The following LOXL2 variants were observed in gnomAD, a reference collection of about 807,000 sequenced individuals.
The protein encoded by LOXL2 is lysyl oxidase like 2, also known as lysyl oxidase homolog 2.
LOXL2 carries 70 observed loss-of-function variants against 93.0 expected under a neutral mutation model. The ratio of observed to expected loss-of-function variants is 0.75; its 90% CI spans 0.62 to 0.92. The LOEUF is 0.92. Ranked by LOEUF, LOXL2 falls within the 40% of genes least tolerant of loss-of-function variation. The pLI, the probability that LOXL2 is intolerant of heterozygous loss-of-function variation, is 0.00. For missense variants in LOXL2, 973 were observed against 1,054.9 expected, an observed-to-expected ratio of 0.92 and a Z score of 1.08; for synonymous variants, 438 against 413.2, an observed-to-expected ratio of 1.06 and a Z score of -0.73.
chr8:23,388,043 A>G (rs1423578090), intron 1 of LOXL2, among the ~76,000 whole-genome samples: 3 of 152,234 alleles, frequency 2.0e-5, no homozygotes, highest in Non-Finnish European at 4.4e-5. Flanking sequence ...TTAAGTTCCT[A>G]GACCATAGCA....
intron 5 of LOXL2, among the ~76,000 whole-genome samples, chr8:23,329,488 T>C (rs1367964361): frequency 2.6e-5 from 4 of 152,204 alleles, no homozygotes; most frequent in Non-Finnish European, 2.9e-5. Flanking sequence ...CTGGGTCATT[T>C]GACTCCAGCT....
intron 1 of LOXL2, among the ~76,000 whole-genome samples, chr8:23,383,861 C>T (rs576349396): frequency 5.3e-5 from 8 of 151,838 alleles, no homozygotes; most frequent in East Asian, 1.9e-4. Context: ...GGGGTTTCAC[C>T]GTGTTAGCCA....
In LOXL2 at chr8:23,331,972, G is replaced by T. The variant is rs1487083127; in HGVS notation, c.966+1429C>A. 2.1e-5 allele frequency: 3 copies of T among 143,256 alleles called. No individual in the cohort carries two copies. The East Asian group carries it at 6.2e-4, about 30-fold the overall frequency. The allele number at this position is 143,256 out of a possible 1,614,324, so 8.9% of individuals were successfully genotyped here. On this transcript the variant is annotated intron_variant, in intron 5 of 13. Transcript: ENST00000389131. ...AATCGCGTGAACCCAGGAGCCGGAG[G>T]TTGCAGTGAACCAAGATCATGCCAT...
chr8:23,308,946 A>AT (rs1483177606), intron 10 of LOXL2, among the ~76,000 whole-genome samples: 1 of 151,430 alleles, frequency 6.6e-6, no homozygotes. Flanking sequence ...TCCTAGAGGT[A>AT]TTTAAAATAC....
intron 3 of LOXL2, among the ~76,000 whole-genome samples, chr8:23,345,371 C>A (rs534364485): frequency 6.6e-6 from 1 of 152,204 alleles, no homozygotes; most frequent in Non-Finnish European, 1.5e-5. Flanking sequence ...CCCCTTCAAC[C>A]AGCTGAAGGG....
At chr8:23,356,385 T>C (rs1798418910) in intron 3 of LOXL2, among the ~76,000 whole-genome samples, 1 of 152,252 alleles carries the variant, frequency 6.6e-6, no homozygotes, top group Admixed American at 6.5e-5. Flanking sequence ...TGACTTCAGC[T>C]ACTGATACAG....
Position 23,298,041 on chromosome 8 carries a change from C to T in LOXL2, c.*2G>A, listed in dbSNP as rs750619677. Reference sequence around the variant, plus strand: ...AGACAGGAGTTGACCACGCAGGCTTCTTTACTGCGGGGACAGCTGGTTGTT... The same window carrying T: ...AGACAGGAGTTGACCACGCAGGCTTTTTTACTGCGGGGACAGCTGGTTGTT... On this transcript the variant is annotated 3_prime_UTR_variant, in exon 14 of 14. Coordinates refer to ENST00000389131, the MANE Select transcript of LOXL2 (RefSeq NM_002318.3). The T allele has an allele frequency of 6.2e-7, 1 of 1,613,354 alleles. No homozygotes were observed. The highest frequency in any genetic ancestry group is 8.5e-7 in the Non-Finnish European group (1 of 1,179,654).
chr8:23,366,640 G>A (rs7004710), intron 2 of LOXL2, among the ~76,000 whole-genome samples: 31,322 of 152,178 alleles, frequency 0.21, 3,643 homozygotes, highest in Admixed American at 0.27. Flanking sequence ...CGATTCTTAC[G>A]CAGTCAGCAT....
intron 13 of LOXL2, among the ~76,000 whole-genome samples, chr8:23,298,601 G>T (rs1803077207): frequency 6.6e-6 from 1 of 152,208 alleles, no homozygotes; most frequent in Non-Finnish European, 1.5e-5. Context: ...AAAGCCTTGG[G>T]GTCTGCACTG....
rs770709778 is a variant in LOXL2 at position 23,347,645 on chromosome 8, G to A, written c.532-6442C>T. ...AGCCTGGGCGAAAGACTGAGACTCC[G>A]TTTCAAAAAAATATAAATAAATAAA... On this transcript the variant is annotated intron_variant, in intron 3 of 13. Coordinates refer to ENST00000389131, the MANE Select transcript of LOXL2 (RefSeq NM_002318.3). 5.0e-4 allele frequency among the ~76,000 whole-genome samples: 75 copies of A among 151,184 alleles called. 1 individual carries two copies. The highest frequency in any genetic ancestry group is 9.0e-4 in the Non-Finnish European group (61 of 67,748).
At chr8:23,305,223 T>A (rs529671779) in intron 10 of LOXL2, among the ~76,000 whole-genome samples, 3 of 152,148 alleles carry the variant, frequency 2.0e-5, no homozygotes, top group Non-Finnish European at 2.9e-5. Context: ...GAGAAATAGG[T>A]TGATGCTCCG....
chr8:23,298,774 G>C, intron 13 of LOXL2, 62 bp downstream of exon 13: 2 of 1,007,272 alleles, frequency 2.0e-6, no homozygotes, highest in Non-Finnish European at 3.2e-6. Flanking sequence ...GCTGCCTCTG[G>C]GTCCTTGAGA....
intron 6 of LOXL2, among the ~76,000 whole-genome samples, chr8:23,324,636 C>CGT (rs1378056068): frequency 6.6e-6 from 1 of 152,182 alleles, no homozygotes; most frequent in Non-Finnish European, 1.5e-5. Context: ...GTGCCTTCCC[C>CGT]GTCTCCACCT....
intron 1 of LOXL2, among the ~76,000 whole-genome samples, chr8:23,403,232 T>G (rs1224873453): frequency 6.6e-6 from 1 of 152,078 alleles, no homozygotes; most frequent in African/African-American, 2.4e-5. Flanking sequence ...GTGGGTTCGC[T>G]CGTGCCCGTT....
chr8:23,383,497 T>G (rs998901435), intron 1 of LOXL2, among the ~76,000 whole-genome samples: 14 of 152,236 alleles, frequency 9.2e-5, no homozygotes, highest in Admixed American at 2.6e-4. Context: ...AAATTTCTAT[T>G]CCAATATTCA....
intron 1 of LOXL2, among the ~76,000 whole-genome samples, chr8:23,374,580 T>A (rs1229146364): frequency 3.9e-5 from 6 of 152,240 alleles, no homozygotes; most frequent in Non-Finnish European, 8.8e-5. Flanking sequence ...TGTAAAAGTG[T>A]TCCTATCTCT....
rs1803037136 is a variant in LOXL2 at position 23,296,924 on chromosome 8, C to G, written c.*1119G>C. 1.3e-5 allele frequency among the ~76,000 whole-genome samples: 2 copies of G among 152,214 alleles called. No homozygotes were observed. Among genetic ancestry groups the G allele is most frequent in the South Asian group, 4.1e-4 (2 of 4,830 alleles). On this transcript the variant is annotated 3_prime_UTR_variant, in exon 14 of 14. Transcript: ENST00000389131. The stretch of plus-strand genomic sequence containing the variant: ...AGTTTCAGTAAAAACCACAGGAGTT[C>G]AAGAAAGATTATGACTCCTGTTCCG...
intron 6 of LOXL2, among the ~76,000 whole-genome samples, chr8:23,327,480 G>C (rs562360721): frequency 1.3e-5 from 2 of 152,240 alleles, no homozygotes; most frequent in African/African-American, 4.8e-5. Flanking sequence ...CCCACCGCTT[G>C]TCTGTAGCCT....
chr8:23,356,704 C>T (rs989302349), intron 3 of LOXL2, among the ~76,000 whole-genome samples: 1 of 152,190 alleles, frequency 6.6e-6, no homozygotes, highest in Admixed American at 6.5e-5. Context: ...CTCGTGGTCA[C>T]CAGCCTGATC....
Sources: gnomAD v4.1 joint callset for allele counts (sites outside exome capture counted in the v4.1 genomes callset) on GRCh38, gnomAD v4.1.1 for gene constraint, MANE v1.5 for transcripts, NCBI Gene and HGNC (gene_info 2026-07-23, HGNC 2026-07-21) for gene names.